IPO7: variants seen among roughly 807,000 people sequenced by gnomAD.
The protein encoded by IPO7 is importin 7, also known as importin-7.
Under a neutral mutation model 136.4 loss-of-function variants are expected in IPO7, and 13 were observed. The ratio of observed to expected loss-of-function variants is 0.10; its 90% CI spans 0.06 to 0.15. IPO7 has a LOEUF of 0.15. Ranked by LOEUF, IPO7 falls within the 10% of genes least tolerant of loss-of-function variation. The pLI is 1.00. For missense variants in IPO7, 857 were observed against 1,240.6 expected, an observed-to-expected ratio of 0.69 and a Z score of 4.65; for synonymous variants, 403 against 404.4, an observed-to-expected ratio of 1.00 and a Z score of 0.04.
At chr11:9,427,715 C>T (rs1019125141) in intron 12 of IPO7, among the ~76,000 whole-genome samples, 1 of 152,216 alleles carries the variant, frequency 6.6e-6, no homozygotes, top group Non-Finnish European at 1.5e-5. Flanking sequence ...CACTCAGCTT[C>T]ACTTAGTGGT....
intron 6 of IPO7, among the ~76,000 whole-genome samples, chr11:9,418,358 C>T (rs367652528): frequency 7.9e-5 from 12 of 152,086 alleles, no homozygotes; most frequent in African/African-American, 2.2e-4. Flanking sequence ...TGTGAGCCAC[C>T]GTGCCTAGCC....
In IPO7 at chr11:9,440,440, A is replaced by G; in HGVS notation, c.2696-15A>G. 1 of 1,597,554 alleles carries G rather than the reference A, an allele frequency of 6.3e-7. No homozygotes were observed. Among genetic ancestry groups the G allele is most frequent in the Admixed American group, 1.7e-5 (1 of 59,980 alleles). On this transcript the variant is annotated splice_polypyrimidine_tract_variant and intron_variant, in intron 22 of 24. Coordinates refer to ENST00000379719, the MANE Select transcript of IPO7 (RefSeq NM_006391.3). Reference sequence around the variant, plus strand: ...ATGTCATTGTTATAAAAGTACTTATATTATGACTTGGCAGAGGAACTGGGG... The same window carrying G: ...ATGTCATTGTTATAAAAGTACTTATGTTATGACTTGGCAGAGGAACTGGGG...
intron 12 of IPO7, 48 bp from the exon 13 acceptor site, chr11:9,428,489 AGAT>A: frequency 1.3e-6 from 1 of 750,866 alleles, no homozygotes; most frequent in Non-Finnish European, 2.3e-6. Flanking sequence ...TTGGAAATTG[AGAT>A]GATTATATTT....
At chr11:9,434,740 T>C (rs2133761445) in intron 18 of IPO7, among the ~76,000 whole-genome samples, 194 bp from the exon 19 acceptor site, 1 of 151,986 alleles carries the variant, frequency 6.6e-6, no homozygotes, top group East Asian at 1.9e-4. Context: ...TTACAGTGAG[T>C]TTTAATCACA....
At chr11:9,406,104 C>CCTTT (rs749091662) in intron 2 of IPO7, among the ~76,000 whole-genome samples, 1 of 61,818 alleles carries the variant, frequency 1.6e-5, no homozygotes, top group Non-Finnish European at 2.6e-5. Flanking sequence ...TGAGGCTGGT[C>CCTTT]TTTTTTTTTT....
At position 9,446,837 on chromosome 11, in the gene IPO7, G is replaced by T. The variant is rs1180962480; in HGVS notation, c.*1643G>T. 6.6e-6 allele frequency: 1 copy of T among 152,088 alleles called. No individual in the cohort carries two copies. Among genetic ancestry groups the T allele is most frequent in the Admixed American group, 6.6e-5 (1 of 15,246 alleles). The allele number at this position is 152,088 out of a possible 1,614,324, so 9.4% of individuals were successfully genotyped here. A position where few individuals can be genotyped will look rare whatever the true frequency, so the allele number is the denominator to read the frequency against. ...GGTTTTCTATTTTAACACTGAAGGAGTGAAAGTATTTCCTATATTTATGAA... is the reference window on the plus strand; with the variant it reads ...GGTTTTCTATTTTAACACTGAAGGATTGAAAGTATTTCCTATATTTATGAA... On this transcript the variant is annotated 3_prime_UTR_variant, in exon 25 of 25. Transcript: ENST00000379719.
intron 4 of IPO7, among the ~76,000 whole-genome samples, chr11:9,413,773 T>G (rs1855001436): frequency 6.6e-6 from 1 of 151,994 alleles, no homozygotes; most frequent in African/African-American, 2.4e-5. Flanking sequence ...GATATTTTTC[T>G]TTTTCTAAAT....
At chr11:9,403,215 T>C in intron 1 of IPO7, 75 bp from the exon 2 acceptor site, 2 of 978,544 alleles carry the variant, frequency 2.0e-6, no homozygotes, top group East Asian at 2.5e-5. Context: ...TGGAAATGTA[T>C]TGGAGCCTCT....
At chr11:9,433,875 G>C in intron 18 of IPO7, 29 bp downstream of exon 18, 1 of 1,587,000 alleles carries the variant, frequency 6.3e-7, no homozygotes, top group East Asian at 2.2e-5. Context: ...GAAATACTGA[G>C]GGTTTTCCCT....
At chr11:9,403,591 T>C (rs1854831999) in intron 2 of IPO7, 1 of 474,552 alleles carries the variant, frequency 2.1e-6, no homozygotes, top group African/African-American at 2.0e-5. Flanking sequence ...AAGCTTCAAA[T>C]AGAAATTGAT....
At chr11:9,406,010 T>C (rs1307752939) in intron 2 of IPO7, among the ~76,000 whole-genome samples, 1 of 151,016 alleles carries the variant, frequency 6.6e-6, no homozygotes, top group Non-Finnish European at 1.5e-5. Flanking sequence ...TACTTTAGCC[T>C]GCCAAACATC....
Position 9,408,691 on chromosome 11 carries a change from T to A in IPO7, c.320+52T>A, listed in dbSNP as rs769283915. ...TCTGCAGGTGTGTAACTTTCAGGGTTTTTTGTTTTTTGGTTTTTTTTTTTT... is the reference window on the plus strand; with the variant it reads ...TCTGCAGGTGTGTAACTTTCAGGGTATTTTGTTTTTTGGTTTTTTTTTTTT... On this transcript the variant is annotated intron_variant, in intron 3 of 24. Coordinates refer to ENST00000379719, the MANE Select transcript of IPO7 (RefSeq NM_006391.3). 4.6e-6 allele frequency: 6 copies of A among 1,293,014 alleles called. No homozygotes were observed. The South Asian group carries it at 6.7e-5, about 15-fold the overall frequency. The allele number at this position is 1,293,014 out of a possible 1,614,324, so 80.1% of individuals were successfully genotyped here.
At chr11:9,420,063 C>T (rs1418005045) in intron 6 of IPO7, among the ~76,000 whole-genome samples, 1 of 152,184 alleles carries the variant, frequency 6.6e-6, no homozygotes, top group African/African-American at 2.4e-5. Context: ...GTGGCGCACG[C>T]CTGTAATCCC....
chr11:9,397,345 T>A lies in IPO7; in HGVS notation c.85-5945T>A, dbSNP rs866671906. 0.021 allele frequency among the ~76,000 whole-genome samples: 207 copies of A among 10,000 alleles called. 26 individuals carry two copies. The East Asian group carries it at 0.33, about 16-fold the overall frequency. The allele number at this position is 10,000 out of a possible 152,430, so 6.6% of individuals were successfully genotyped here. ...ACTAAAAATAATTTAAAAAAAAATA[T>A]ATATATATATATATATATATTAGTC... On this transcript the variant is annotated intron_variant, in intron 1 of 24. Transcript: ENST00000379719.
chr11:9,408,484 A>T lies in IPO7; in HGVS notation c.167-2A>T. ...CTTTTGTCAAACTGATCTGTATTTT[A>T]GGTGTTATCTATCTGAAAAATATGA... On this transcript the variant is annotated splice_acceptor_variant, in intron 2 of 24. Transcript: ENST00000379719. LOFTEE classifies it high-confidence loss of function. The T allele has an allele frequency of 6.5e-7, 1 of 1,543,168 alleles. No homozygotes were observed. The highest frequency in any genetic ancestry group is 8.7e-7 in the Non-Finnish European group (1 of 1,146,876).
Position 9,445,328 on chromosome 11 carries a change from G to C in IPO7, c.*134G>C. On this transcript the variant is annotated 3_prime_UTR_variant, in exon 25 of 25. Transcript: ENST00000379719. ...ATGGACAAAAGAAACAACAACCCCA[G>C]GAGATGGGACCTGATCATGCAACCT... The C allele has an allele frequency of 2.9e-6, 1 of 341,034 alleles. No homozygotes were observed. Among genetic ancestry groups the C allele is most frequent in the Non-Finnish European group, 5.7e-6 (1 of 175,464 alleles). The allele number at this position is 341,034 out of a possible 1,614,324, so 21.1% of individuals were successfully genotyped here.
intron 12 of IPO7, among the ~76,000 whole-genome samples, chr11:9,427,007 C>A (rs10840237): frequency 0.54 from 81,695 of 151,430 alleles, 23,415 homozygotes; most frequent in Non-Finnish European, 0.65. Flanking sequence ...GGTGCCTGCC[C>A]CCAGCCTAAT....
rs1855183302 is a variant in IPO7 at position 9,424,966 on chromosome 11, T to C, written c.1194T>C (p.Phe398=). ...SPTTAAQTLL[F]TACSKRKEVL... ...CCACTGCTGCCCAGACACTTTTGTT[T>C]ACAGCCTGTAGTAAGAGGAAAGAGG... The change falls in exon 11 of 25, where the codon TTT becomes TTC. Residue 398 remains phenylalanine, a synonymous_variant. Transcript: ENST00000379719. 8 of 1,587,280 alleles carry C rather than the reference T, an allele frequency of 5.0e-6. No homozygotes were observed. Among genetic ancestry groups the C allele is most frequent in the Non-Finnish European group, 6.8e-6 (8 of 1,168,116 alleles).
intron 1 of IPO7, chr11:9,403,066 G>T: frequency 2.0e-6 from 1 of 503,970 alleles, no homozygotes. Flanking sequence ...AATGGGAAGT[G>T]CAGTGCTATA....
Sources: gnomAD v4.1 joint callset for allele counts (sites outside exome capture counted in the v4.1 genomes callset) on GRCh38, gnomAD v4.1.1 for gene constraint, MANE v1.5 for transcripts, NCBI Gene and HGNC (gene_info 2026-07-23, HGNC 2026-07-21) for gene names.